Variants in PDZD4 observed in about 807,000 individuals in gnomAD.
The protein encoded by PDZD4 is PDZ domain containing 4.
PDZD4 carries 9 observed loss-of-function variants against 38.5 expected under a neutral mutation model. The observed-to-expected ratio is 0.23, with a 90% CI of 0.14 to 0.41. The LOEUF (loss-of-function observed/expected upper bound fraction) is 0.41. PDZD4 is among the 10% of genes least tolerant of loss of function. The pLI is 1.00. For synonymous variants in PDZD4, 349 were observed against 315.7 expected (o/e 1.11, Z -1.12); for missense variants, 612 against 722.0 (o/e 0.85, Z 1.75).
At chrX:153,807,193 G>C (rs1557077359) in intron 3 of PDZD4, 86 bp downstream of exon 3, 1 of 982,212 alleles carries the variant, frequency 1.0e-6, no homozygotes, top group African/African-American at 1.9e-5. Flanking sequence ...GGAGGGCCAC[G>C]GGGTTGGGCC....
chrX:153,807,887 C>T lies in PDZD4; in HGVS notation c.314+455G>A, dbSNP rs1557077666. On this transcript the variant is annotated intron_variant, in intron 2 of 7. Transcript: ENST00000393758. ...CCGGGCTAAGATTAGCAGAATGAGG[C>T]AGCGCTCACGCGGTCATGAGCCACC... The T allele has an allele frequency of 3.1e-6, 3 of 981,427 alleles. No individual in the cohort carries two copies. The South Asian group carries it at 5.9e-5, about 19-fold the overall frequency. The allele number at this position is 981,427 out of a possible 1,213,427, so 80.9% of individuals were successfully genotyped here. A position where few individuals can be genotyped will look rare whatever the true frequency, so the allele number is the denominator to read the frequency against.
intron 3 of PDZD4, 117 bp downstream of exon 3, chrX:153,807,162 G>T: frequency 1.4e-6 from 1 of 739,908 alleles, no homozygotes; most frequent in South Asian, 2.6e-5. Context: ...CACCCTCCCT[G>T]ACTCAGCCAG....
Position 153,828,695 on chromosome X carries a change from C to G in PDZD4, c.60+1544G>C, listed in dbSNP as rs782397716. On this transcript the variant is annotated intron_variant, in intron 1 of 7. Coordinates refer to ENST00000393758, the MANE Select transcript of PDZD4 (RefSeq NM_001303512.2). ...TATCCACACGTCCCCACGAGGTTGGCCTTAAATGAAGTGCGACACCAATCC... is the reference window on the plus strand; with the variant it reads ...TATCCACACGTCCCCACGAGGTTGGGCTTAAATGAAGTGCGACACCAATCC... 5.3e-5 allele frequency among the ~76,000 whole-genome samples: 6 copies of G among 112,711 alleles called. No individual in the cohort carries two copies. The South Asian group carries it at 2.2e-3, about 41-fold the overall frequency.
intron 1 of PDZD4, among the ~76,000 whole-genome samples, chrX:153,824,591 G>A (rs1220513932): frequency 9.0e-6 from 1 of 111,548 alleles, no homozygotes; most frequent in African/African-American, 3.3e-5. Flanking sequence ...GCAGTTTGGA[G>A]GAAGACGTCG....
At chrX:153,805,021 C>A in intron 7 of PDZD4, 76 bp downstream of exon 7, 1 of 1,122,896 alleles carries the variant, frequency 8.9e-7, no homozygotes, top group Non-Finnish European at 1.2e-6. Flanking sequence ...CATTGGGAGA[C>A]CCTGCACAGC....
intron 1 of PDZD4, among the ~76,000 whole-genome samples, chrX:153,825,267 A>G (rs185035610): frequency 8.9e-6 from 1 of 112,541 alleles, no homozygotes; most frequent in East Asian, 2.8e-4. Context: ...GCGGGAGACC[A>G]GTCCTAAGTA....
intron 1 of PDZD4, among the ~76,000 whole-genome samples, chrX:153,819,148 G>T (rs1057424690): frequency 8.9e-6 from 1 of 112,730 alleles, no homozygotes; most frequent in Non-Finnish European, 1.9e-5. Context: ...GGAGCAGGGC[G>T]GACCACACTC....
chrX:153,803,336 G>T lies in PDZD4; in HGVS notation c.*17C>A, dbSNP rs372978867. 1.4e-4 allele frequency: 159 copies of T among 1,122,681 alleles called. No individual in the cohort carries two copies. Among genetic ancestry groups the T allele is most frequent in the Non-Finnish European group, 1.8e-4 (151 of 857,289 alleles). 92.5% of individuals were successfully genotyped at this position (1,122,681 alleles called of 1,213,427 possible). On this transcript the variant is annotated 3_prime_UTR_variant, in exon 8 of 8. Coordinates refer to ENST00000393758, the MANE Select transcript of PDZD4 (RefSeq NM_001303512.2). ...AGGGGGTTCCCTGGGCCTGGGCCGT[G>T]TACCCGCCCGGGCAGCTCACACGGT...
At position 153,806,847 on chromosome X, in the gene PDZD4, C is replaced by G. The variant is rs1557077241; in HGVS notation, c.406-7G>C. On this transcript the variant is annotated splice_polypyrimidine_tract_variant and splice_region_variant and intron_variant, in intron 3 of 7. Transcript: ENST00000393758. ...TTTTATACAGCTCCACCTCCTGCCACGAGGGGTCCGGGAGGAAGCAGAGGT... is the reference window on the plus strand; with the variant it reads ...TTTTATACAGCTCCACCTCCTGCCAGGAGGGGTCCGGGAGGAAGCAGAGGT... The G allele has an allele frequency of 8.3e-7, 1 of 1,201,613 alleles. No individual in the cohort carries two copies. The highest frequency in any genetic ancestry group is 1.1e-6 in the Non-Finnish European group (1 of 886,759).
At chrX:153,807,150 C>T (rs2148460310) in intron 3 of PDZD4, 129 bp downstream of exon 3, 1 of 652,263 alleles carries the variant, frequency 1.5e-6, no homozygotes, top group Non-Finnish European at 2.3e-6. Flanking sequence ...TAACCTCACC[C>T]GCACCCTCCC....
chrX:153,806,156 G>T (rs1557076972), intron 4 of PDZD4, 23 bp from the exon 5 acceptor site: 1 of 1,208,431 alleles, frequency 8.3e-7, no homozygotes, highest in African/African-American at 1.7e-5. Flanking sequence ...CGCATCTTGG[G>T]GACTTGGTGC....
rs2064530266 is a variant in PDZD4, at chrX:153,830,364, G to A, written c.-66C>T. The A allele has an allele frequency of 4.7e-6, 5 of 1,070,368 alleles. No individual in the cohort carries two copies. In the South Asian group the frequency reaches 7.6e-5, roughly 16 times the overall value. 88.2% of individuals were successfully genotyped at this position (1,070,368 alleles called of 1,213,427 possible). A position where few individuals can be genotyped will look rare whatever the true frequency, so the allele number is the denominator to read the frequency against. Reference sequence around the variant, plus strand: ...AGACGCCTTTCACTGACCCGGGCGCGGGACCTCGGGTCCCGGGCCGGGGCC... The same window carrying A: ...AGACGCCTTTCACTGACCCGGGCGCAGGACCTCGGGTCCCGGGCCGGGGCC... On this transcript the variant is annotated 5_prime_UTR_variant, in exon 1 of 8. Coordinates refer to ENST00000393758, the MANE Select transcript of PDZD4 (RefSeq NM_001303512.2).
At chrX:153,822,146 C>T (rs1557081459) in intron 1 of PDZD4, among the ~76,000 whole-genome samples, 1 of 96,751 alleles carries the variant, frequency 1.0e-5, no homozygotes, top group Non-Finnish European at 2.0e-5. Context: ...GAGATCACAA[C>T]ACTGCACTCT....
At chrX:153,819,712 G>A (rs1181667962) in intron 1 of PDZD4, among the ~76,000 whole-genome samples, 5 of 112,531 alleles carry the variant, frequency 4.4e-5, no homozygotes, top group Non-Finnish European at 9.4e-5. Context: ...GTCAGGCATC[G>A]GGGGATCTCC....
chrX:153,806,723 G>A lies in PDZD4; in HGVS notation c.504+19C>T. On this transcript the variant is annotated intron_variant, in intron 4 of 7. Coordinates refer to ENST00000393758, the MANE Select transcript of PDZD4 (RefSeq NM_001303512.2). ...CCATGTGGATGGGCCTCGGGGCTGG[G>A]GCATACCCGTCTGCATACCTCTCCG... 1 of 1,201,533 alleles carries A rather than the reference G, an allele frequency of 8.3e-7. No homozygotes were observed. Among genetic ancestry groups the A allele is most frequent in the Admixed American group, 2.2e-5 (1 of 46,049 alleles).
chrX:153,807,138 C>T (rs2064259105), intron 3 of PDZD4, 141 bp downstream of exon 3: 5 of 579,513 alleles, frequency 8.6e-6, no homozygotes, highest in Non-Finnish European at 1.1e-5. Flanking sequence ...GGACGGAACA[C>T]GTAACCTCAC....
rs375486951 is a variant in PDZD4 at position 153,803,542 on chromosome X, C to T, written c.2139G>A (p.Arg713=). 12 of 1,205,247 alleles carry T rather than the reference C, an allele frequency of 1.0e-5. No individual in the cohort carries two copies. The African/African-American group carries it at 1.4e-4, about 14-fold the overall frequency. Residue 713 remains arginine (R), a synonymous_variant, in exon 8 of 8, where the codon CGG becomes CGA. Transcript: ENST00000393758. ...FMMQSRLECL[R]EQQNGDSKPE... is the part of the protein sequence containing the mutation. ...GCTTGCTGTCGCCATTCTGCTGCTC[C>T]CGCAGGCACTCCAGCCGGCTCTGCA...
chrX:153,829,841 C>T (rs1412640860), intron 1 of PDZD4: 1 of 771,620 alleles, frequency 1.3e-6, no homozygotes, highest in African/African-American at 2.3e-5. Flanking sequence ...CCCGGGGACG[C>T]CCACGCACTC....
intron 2 of PDZD4, 34 bp downstream of exon 2, chrX:153,808,307 AG>A: frequency 8.5e-7 from 1 of 1,172,427 alleles, no homozygotes; most frequent in Non-Finnish European, 1.1e-6. Flanking sequence ...TCCTCTCTGG[AG>A]GCAGGGCCCG....
Sources: gnomAD v4.1 joint callset for allele counts (sites outside exome capture counted in the v4.1 genomes callset) on GRCh38, gnomAD v4.1.1 for gene constraint, MANE v1.5 for transcripts, NCBI Gene and HGNC (gene_info 2026-07-23, HGNC 2026-07-21) for gene names.